The following MAN1A2 variants were observed in gnomAD, a reference collection of about 807,000 sequenced individuals.
MAN1A2 encodes the protein mannosidase alpha class 1A member 2.
In MAN1A2, 26 loss-of-function variants were observed where a neutral mutation model predicts 75.7. That is an observed-to-expected ratio of 0.34 (90% CI 0.25 to 0.48). The LOEUF (loss-of-function observed/expected upper bound fraction) is 0.48. MAN1A2 is among the 20% of genes least tolerant of loss of function. The pLI is 0.99. For synonymous variants in MAN1A2, 247 were observed against 264.6 expected, an observed-to-expected ratio of 0.93 and a Z score of 0.65; for missense variants, 562 against 775.5, an observed-to-expected ratio of 0.72 and a Z score of 3.27.
intron 5 of MAN1A2, among the ~76,000 whole-genome samples, chr1:117,429,229 G>C (rs937789691): frequency 1.4e-5 from 2 of 144,244 alleles, no homozygotes; most frequent in Middle Eastern, 3.6e-3. Flanking sequence ...GCAACCATCC[G>C]ATTTCTCAAT....
At chr1:117,387,216 TA>T (rs565416366) in intron 1 of MAN1A2, among the ~76,000 whole-genome samples, 30,170 of 125,464 alleles carry the variant, frequency 0.24, 2,965 homozygotes, top group Middle Eastern at 0.27. Context: ...ATGGCTGTTG[TA>T]AAAAAAAAAA....
chr1:117,489,045 A>C (rs1650798526), intron 8 of MAN1A2, among the ~76,000 whole-genome samples: 1 of 152,048 alleles, frequency 6.6e-6, no homozygotes, highest in South Asian at 2.1e-4. Flanking sequence ...CCCACTCAAC[A>C]GCATATAATA....
chr1:117,401,861 A>T (rs1452597515), intron 1 of MAN1A2, among the ~76,000 whole-genome samples: 3 of 151,566 alleles, frequency 2.0e-5, no homozygotes, highest in Admixed American at 1.3e-4. Context: ...TCTGTTACTT[A>T]TTCTATTTTT....
intron 12 of MAN1A2, among the ~76,000 whole-genome samples, chr1:117,522,588 T>A (rs533240834): frequency 1.3e-5 from 2 of 151,948 alleles, no homozygotes; most frequent in East Asian, 1.9e-4. Flanking sequence ...GATTTTTTTT[T>A]AAACTGTTTT....
intron 5 of MAN1A2, among the ~76,000 whole-genome samples, chr1:117,429,124 GTCACAGA>G (rs1353808140): frequency 6.8e-6 from 1 of 147,386 alleles, no homozygotes; most frequent in African/African-American, 2.5e-5. Context: ...TGGGGGTAAG[GTCACAGA>G]TCAACAGGAT....
intron 8 of MAN1A2, among the ~76,000 whole-genome samples, chr1:117,480,185 T>G (rs9699748): frequency 6.6e-6 from 1 of 151,932 alleles, no homozygotes; most frequent in African/African-American, 2.4e-5. Context: ...TTTGCAGATC[T>G]CTGGGGTTCT....
At chr1:117,504,504 C>T (rs1405301600) in intron 12 of MAN1A2, among the ~76,000 whole-genome samples, 1 of 151,024 alleles carries the variant, frequency 6.6e-6, no homozygotes, top group African/African-American at 2.4e-5. Flanking sequence ...TATATTTCAA[C>T]AGTAGGTTTC....
At chr1:117,412,014 T>C (rs1647835878) in intron 3 of MAN1A2, among the ~76,000 whole-genome samples, 1 of 151,762 alleles carries the variant, frequency 6.6e-6, no homozygotes, top group Non-Finnish European at 1.5e-5. Context: ...GTAAATTCGA[T>C]TTTTTTCCGC....
intron 12 of MAN1A2, among the ~76,000 whole-genome samples, chr1:117,514,371 A>T (rs1330228174): frequency 1.3e-5 from 2 of 151,956 alleles, no homozygotes; most frequent in East Asian, 3.9e-4. Flanking sequence ...CAAAAAAAAA[A>T]AAAAGAAGAA....
chr1:117,458,135 C>A (rs1369195600), intron 6 of MAN1A2, among the ~76,000 whole-genome samples: 3 of 152,030 alleles, frequency 2.0e-5, no homozygotes, highest in Non-Finnish European at 4.4e-5. Flanking sequence ...TAATTTTCTT[C>A]ACAGCAACTA....
At chr1:117,386,819 G>A (rs1321100168) in intron 1 of MAN1A2, among the ~76,000 whole-genome samples, 4 of 107,476 alleles carry the variant, frequency 3.7e-5, no homozygotes, top group Admixed American at 9.4e-5. Context: ...ATATTTCCAC[G>A]TAATCGGGAG....
chr1:117,420,301 A>G (rs1043533739), intron 4 of MAN1A2, among the ~76,000 whole-genome samples: 1 of 152,068 alleles, frequency 6.6e-6, no homozygotes, highest in Non-Finnish European at 1.5e-5. Context: ...AGTGTTAAAT[A>G]TCCTGATAAG....
chr1:117,511,553 C>T lies in MAN1A2; in HGVS notation c.1793+8583C>T, dbSNP rs141539452. On this transcript the variant is annotated intron_variant, in intron 12 of 12. Coordinates refer to ENST00000356554, the MANE Select transcript of MAN1A2 (RefSeq NM_006699.5). ...CGTAGGGACTTTTTCCTTTTAACTA[C>T]TATGATCTCCCCAGCACCTAGCACA... is the stretch of plus-strand genomic sequence containing the variant. Among the ~76,000 whole-genome samples, 387 of 152,040 alleles carry T rather than the reference C, an allele frequency of 2.5e-3. 6 individuals carry two copies. Among genetic ancestry groups the T allele is most frequent in the African/African-American group, 8.7e-3 (359 of 41,476 alleles).
chr1:117,379,464 A>AT (rs1473766485), intron 1 of MAN1A2, among the ~76,000 whole-genome samples: 4 of 152,002 alleles, frequency 2.6e-5, no homozygotes, highest in South Asian at 2.1e-4. Flanking sequence ...ATAAGCATTT[A>AT]TTTTTTTATT....
intron 4 of MAN1A2, among the ~76,000 whole-genome samples, chr1:117,419,989 T>A (rs1464406886): frequency 6.6e-6 from 1 of 152,042 alleles, no homozygotes; most frequent in African/African-American, 2.4e-5. Flanking sequence ...TATTTCCAAA[T>A]AATTTAGATT....
At chr1:117,478,881 G>T (rs1453550729) in intron 8 of MAN1A2, among the ~76,000 whole-genome samples, 1 of 151,618 alleles carries the variant, frequency 6.6e-6, no homozygotes, top group African/African-American at 2.4e-5. Context: ...AGTTGTTTTT[G>T]CTCTCTAGGT....
intron 3 of MAN1A2, among the ~76,000 whole-genome samples, chr1:117,408,215 G>C (rs557870646): frequency 6.6e-6 from 1 of 151,718 alleles, no homozygotes; most frequent in African/African-American, 2.4e-5. Flanking sequence ...GGAGTCCAAG[G>C]CTATGGGGCA....
chr1:117,515,344 T>A (rs528393666), intron 12 of MAN1A2: 1 of 152,334 alleles, frequency 6.6e-6, no homozygotes, highest in East Asian at 1.9e-4. Flanking sequence ...CATTCAAGGA[T>A]TTTTGTATCT....
chr1:117,471,127 C>A (rs1570770392), intron 8 of MAN1A2, among the ~76,000 whole-genome samples: 1 of 151,262 alleles, frequency 6.6e-6, no homozygotes, highest in Non-Finnish European at 1.5e-5. Flanking sequence ...TCAGTCATTA[C>A]TGATTCATTG....
Sources: gnomAD v4.1 joint callset for allele counts (sites outside exome capture counted in the v4.1 genomes callset) on GRCh38, gnomAD v4.1.1 for gene constraint, MANE v1.5 for transcripts, NCBI Gene and HGNC (gene_info 2026-07-23, HGNC 2026-07-21) for gene names.